The following TSPAN17 variants were observed in gnomAD, a reference collection of about 807,000 sequenced individuals.
TSPAN17 encodes tetraspanin 17.
Under a neutral mutation model 40.5 loss-of-function variants are expected in TSPAN17, and 33 were observed. That is an observed-to-expected ratio of 0.81 (90% CI 0.62 to 1.09). TSPAN17 has a LOEUF of 1.09. TSPAN17 is among the 50% of genes least tolerant of loss of function. TSPAN17 has a pLI of 0.00. For missense variants in TSPAN17, 365 were observed against 416.8 expected, an observed-to-expected ratio of 0.88 and a Z score of 1.08; for synonymous variants, 166 against 169.4, an observed-to-expected ratio of 0.98 and a Z score of 0.15.
At chr5:176,652,655 G>A (rs1761013656) in intron 3 of TSPAN17, 88 bp from the exon 4 acceptor site, 1 of 1,340,144 alleles carries the variant, frequency 7.5e-7, no homozygotes, top group Non-Finnish European at 1.0e-6. Flanking sequence ...AGGTAGGGAT[G>A]GAGCCCTTCC....
chr5:176,655,020 G>A lies in TSPAN17; in HGVS notation c.582G>A (p.Ala194=), dbSNP rs777686183. 5.6e-6 allele frequency: 9 copies of A among 1,602,168 alleles called. No homozygotes were observed. The highest frequency in any genetic ancestry group is 1.1e-5 in the South Asian group (1 of 89,328). The change falls in exon 5 of 9, where the codon GCG becomes GCA. Residue 194 remains alanine, a splice_region_variant and synonymous_variant. Coordinates refer to ENST00000508164, the MANE Select transcript of TSPAN17 (RefSeq NM_130465.5). ...TCTCCTGCTGCGTCAGGGACCCTGC[G>A]GTGAGTGGGGCTGGGGGAGGAGAGG... ...VPFSCCVRDP[A]EDVLNTQCGY...
intron 5 of TSPAN17, among the ~76,000 whole-genome samples, chr5:176,655,487 C>G (rs1344226639): frequency 6.6e-6 from 1 of 152,168 alleles, no homozygotes; most frequent in South Asian, 2.1e-4. Flanking sequence ...GGGCAGAAAC[C>G]TCTCCTGATG....
intron 6 of TSPAN17, 124 bp from the exon 7 acceptor site, chr5:176,656,576 A>T: frequency 1.1e-6 from 1 of 879,342 alleles, no homozygotes; most frequent in Non-Finnish European, 1.8e-6. Flanking sequence ...GGCTTTGTGG[A>T]GGGACTGTGG....
chr5:176,657,258 C>T (rs772677973), intron 8 of TSPAN17: 23 of 657,138 alleles, frequency 3.5e-5, no homozygotes, highest in African/African-American at 1.1e-4. Context: ...CTAGGAAGGG[C>T]GCAGCTCAGA....
chr5:176,655,116 G>C (rs1761105297), intron 5 of TSPAN17, 96 bp downstream of exon 5: 6 of 1,419,502 alleles, frequency 4.2e-6, no homozygotes, highest in African/African-American at 2.9e-5. Context: ...GCCCTGCTCT[G>C]GGGGCGTGGA....
Position 176,652,912 on chromosome 5 carries a change from A to G in TSPAN17, c.455A>G (p.Tyr152Cys). 6.2e-7 allele frequency: 1 copy of G among 1,614,066 alleles called. No homozygotes were observed. The highest frequency in any genetic ancestry group is 2.2e-5 in the East Asian group (1 of 44,884). Residue 152 changes from tyrosine (Y) to cysteine (C), a missense_variant and splice_region_variant, in exon 4 of 9, where the codon TAC becomes TGC. Physicochemically the swap from Tyr to Cys is radical, Grantham distance 194. Transcript: ENST00000508164. The part of the protein sequence containing the change: ...LQNLIDFAQE[Y>C]WSCCGARGPN... Reference sequence around the variant, plus strand: ...AACCTCATTGACTTTGCTCAGGAATACGTGAGTCCAGTGTCCAGCCTGGGA... The same window carrying G: ...AACCTCATTGACTTTGCTCAGGAATGCGTGAGTCCAGTGTCCAGCCTGGGA...
At chr5:176,655,228 A>G (rs1223762603) in intron 5 of TSPAN17, among the ~76,000 whole-genome samples, 2 of 152,182 alleles carry the variant, frequency 1.3e-5, no homozygotes, top group Non-Finnish European at 2.9e-5. Context: ...AGTGAGATGG[A>G]AACAGCAGGA....
intron 8 of TSPAN17, 136 bp downstream of exon 8, chr5:176,657,092 C>CA: frequency 4.3e-6 from 4 of 926,682 alleles, no homozygotes; most frequent in African/African-American, 1.7e-5. Context: ...TTGAGGGGTT[C>CA]GCCTGAACCG....
Position 176,654,961 on chromosome 5 carries a change from T to G in TSPAN17, c.523T>G (p.Leu175Val). 2 of 1,613,484 alleles carry G rather than the reference T, an allele frequency of 1.2e-6. No individual in the cohort carries two copies. The highest frequency in any genetic ancestry group is 1.7e-6 in the Non-Finnish European group (2 of 1,179,788). ...NLNIYFNCTD[L>V]NPSRERCGVP... ...CAATATCTACTTCAACTGCACTGAC[T>G]TGAACCCCAGCCGGGAGCGCTGCGG... The change falls in exon 5 of 9, where the codon TTG becomes GTG. Residue 175 changes from leucine to valine, a missense_variant. Leu to Val is a conservative substitution (Grantham distance 32, BLOSUM62 1). Coordinates refer to ENST00000508164, the MANE Select transcript of TSPAN17 (RefSeq NM_130465.5). The surrounding 1 kb of genome is among the most constrained non-coding windows in gnomAD (Gnocchi z 4.3).
Position 176,656,882 on chromosome 5 carries a change from C to T in TSPAN17, c.748-13C>T, listed in dbSNP as rs1581199391. The T allele has an allele frequency of 6.8e-6, 11 of 1,614,236 alleles. No individual in the cohort carries two copies. The highest frequency in any genetic ancestry group is 1.1e-5 in the South Asian group (1 of 91,074). ...CGCCCTCACTCTCCCCTCACCTGTCCTCTGTCTTACAGATCTTTGGCATCT... is the reference window on the plus strand; with the variant it reads ...CGCCCTCACTCTCCCCTCACCTGTCTTCTGTCTTACAGATCTTTGGCATCT... On this transcript the variant is annotated splice_polypyrimidine_tract_variant and intron_variant, in intron 7 of 8. Coordinates refer to ENST00000508164, the MANE Select transcript of TSPAN17 (RefSeq NM_130465.5).
Position 176,657,898 on chromosome 5 carries a change from C to A in TSPAN17, c.*200C>A. 2 of 914,954 alleles carry A rather than the reference C, an allele frequency of 2.2e-6. No homozygotes were observed. The highest frequency in any genetic ancestry group is 3.0e-6 in the Non-Finnish European group (2 of 657,262). 56.7% of individuals were successfully genotyped at this position (914,954 alleles called of 1,614,324 possible). ...CCCACCTCTGCAGGGTTATTCCCTG[C>A]ACCTCGAGGCCGCTGCGGGCCAATC... On this transcript the variant is annotated 3_prime_UTR_variant, in exon 9 of 9. Transcript: ENST00000508164.
chr5:176,651,008 C>T lies in TSPAN17; in HGVS notation c.88-608C>T, dbSNP rs1447880584. Among the ~76,000 whole-genome samples, 1 of 152,206 alleles carries T rather than the reference C, an allele frequency of 6.6e-6. No individual in the cohort carries two copies. Among genetic ancestry groups the T allele is most frequent in the Non-Finnish European group, 1.5e-5 (1 of 68,036 alleles). The stretch of plus-strand genomic sequence containing the variant: ...CCCAGGCAGAGCTGTGGCCATGGGG[C>T]AAAGCCACTGGCACAGGCCAGATCC... On this transcript the variant is annotated intron_variant, in intron 1 of 8. Transcript: ENST00000508164. This position sits in a 1 kb window ranked among gnomAD's most constrained non-coding sequence, Gnocchi z 4.5.
chr5:176,655,593 G>A (rs1322031912), intron 5 of TSPAN17, among the ~76,000 whole-genome samples: 1 of 152,176 alleles, frequency 6.6e-6, no homozygotes, highest in Non-Finnish European at 1.5e-5. Context: ...AACGGAGGCA[G>A]GTCCAGGTTG....
intron 6 of TSPAN17, 109 bp from the exon 7 acceptor site, chr5:176,656,591 C>T: frequency 1.0e-6 from 1 of 993,102 alleles, no homozygotes; most frequent in South Asian, 1.4e-5. Flanking sequence ...CTGTGGGGAG[C>T]AGGTACTGCA....
In TSPAN17 at chr5:176,653,147, C is replaced by A. The variant is rs1581195789; in HGVS notation, c.456+234C>A. 8 of 449,486 alleles carry A rather than the reference C, an allele frequency of 1.8e-5. No individual in the cohort carries two copies. In the East Asian group the frequency reaches 2.4e-4, roughly 14 times the overall value. 27.8% of individuals were successfully genotyped at this position (449,486 alleles called of 1,614,324 possible). The stretch of plus-strand genomic sequence containing the variant: ...CCTTGGGAAACAGAGGGCATGGGCT[C>A]CACGCTAGCAGCTCCCAGGCCAGGG... On this transcript the variant is annotated intron_variant, in intron 4 of 8. Coordinates refer to ENST00000508164, the MANE Select transcript of TSPAN17 (RefSeq NM_130465.5).
At chr5:176,653,161 C>T in intron 4 of TSPAN17, 1 of 412,690 alleles carries the variant, frequency 2.4e-6, no homozygotes, top group South Asian at 4.1e-5. Flanking sequence ...GCTAGCAGCT[C>T]CCAGGCCAGG....
chr5:176,654,991 C>G lies in TSPAN17; in HGVS notation c.553C>G (p.Pro185Ala). ...LNPSRERCGVPFSCCVRDPAE... is the reference protein window; with the variant it reads ...LNPSRERCGVAFSCCVRDPAE... ...CCCCAGCCGGGAGCGCTGCGGGGTGCCCTTCTCCTGCTGCGTCAGGGACCC... is the reference window on the plus strand; with the variant it reads ...CCCCAGCCGGGAGCGCTGCGGGGTGGCCTTCTCCTGCTGCGTCAGGGACCC... The change falls in exon 5 of 9, where the codon CCC (proline) becomes GCC (alanine). Residue 185 changes from proline to alanine, a missense_variant. Coordinates refer to ENST00000508164, the MANE Select transcript of TSPAN17 (RefSeq NM_130465.5). The surrounding 1 kb of genome is among the most constrained non-coding windows in gnomAD (Gnocchi z 4.3). The G allele has an allele frequency of 6.2e-7, 1 of 1,609,892 alleles. No individual in the cohort carries two copies. Among genetic ancestry groups the G allele is most frequent in the Non-Finnish European group, 8.5e-7 (1 of 1,178,056 alleles).
chr5:176,647,822 A>G (rs1760802126), intron 1 of TSPAN17, 120 bp downstream of exon 1: 6 of 943,070 alleles, frequency 6.4e-6, no homozygotes, highest in Admixed American at 2.6e-5. Flanking sequence ...CCATCCCCCC[A>G]CTTCTGCCAC....
In TSPAN17 at chr5:176,657,863, G is replaced by C; in HGVS notation, c.*165G>C. 1 of 1,293,500 alleles carries C rather than the reference G, an allele frequency of 7.7e-7. No homozygotes were observed. Among genetic ancestry groups the C allele is most frequent in the Non-Finnish European group, 1.0e-6 (1 of 973,956 alleles). 80.1% of individuals were successfully genotyped at this position (1,293,500 alleles called of 1,614,324 possible). A position where few individuals can be genotyped will look rare whatever the true frequency, so the allele number is the denominator to read the frequency against. Reference sequence around the variant, plus strand: ...GTGCCGCCTGACCCTTGTACACTAGGAGCTGGCCTCCCACCTCTGCAGGGT... The same window carrying C: ...GTGCCGCCTGACCCTTGTACACTAGCAGCTGGCCTCCCACCTCTGCAGGGT... On this transcript the variant is annotated 3_prime_UTR_variant, in exon 9 of 9. Transcript: ENST00000508164.
Sources: allele counts gnomAD v4.1 joint callset (sites outside exome capture counted in the v4.1 genomes callset), GRCh38; gene constraint gnomAD v4.1.1; non-coding constraint Gnocchi (gnomAD v3.1); transcripts MANE v1.5; gene names NCBI Gene and HGNC (gene_info 2026-07-23, HGNC 2026-07-21).